RUSC2: variants seen among roughly 807,000 people sequenced by gnomAD.
The protein encoded by RUSC2 is AP-4 complex accessory subunit RUSC2.
In RUSC2, 34 loss-of-function variants were observed where a neutral mutation model predicts 122.2. The ratio of observed to expected loss-of-function variants is 0.28; its 90% CI spans 0.21 to 0.37. The LOEUF (loss-of-function observed/expected upper bound fraction) is 0.37, where lower values mean the gene tolerates loss of function less well. Among genes scored for constraint, RUSC2 ranks in the 10% least tolerant of loss-of-function variants. RUSC2 has a pLI of 1.00. For missense variants in RUSC2, 1,747 were observed against 1,952.4 expected (o/e 0.89, Z 1.98); for synonymous variants, 784 against 790.0 (o/e 0.99, Z 0.13).
At chr9:35,493,209 T>C (rs569399851) in intron 1 of RUSC2, among the ~76,000 whole-genome samples, 1 of 152,276 alleles carries the variant, frequency 6.6e-6, no homozygotes, top group African/African-American at 2.4e-5. Flanking sequence ...ATCATTTAGC[T>C]CTCACTTATA....
intron 1 of RUSC2, among the ~76,000 whole-genome samples, chr9:35,506,914 G>A (rs778950572): frequency 1.4e-4 from 22 of 152,256 alleles, no homozygotes; most frequent in African/African-American, 4.6e-4. Flanking sequence ...TTAGGGTTTC[G>A]AGACTAGCCT....
Position 35,546,983 on chromosome 9 carries a change from A to G in RUSC2, c.462A>G (p.Arg154=). The G allele has an allele frequency of 6.3e-7, 1 of 1,592,594 alleles. No homozygotes were observed. Among genetic ancestry groups the G allele is most frequent in the Non-Finnish European group, 8.6e-7 (1 of 1,167,826 alleles). ...TCCAGCTGCCACCATCTGGCCCCAG[A>G]GTGGGCAGGCCATGGGGGACAACAC... ...SSFQLPPSGP[R]VGRPWGTTRS... The change falls in exon 2 of 12, where the codon AGA becomes AGG. Residue 154 remains arginine, a synonymous_variant. Coordinates refer to ENST00000361226, the MANE Select transcript of RUSC2 (RefSeq NM_014806.5). This position sits in a 1 kb window ranked among gnomAD's most constrained non-coding sequence, Gnocchi z 4.3.
rs1821794796 is a variant in RUSC2 at position 35,547,887 on chromosome 9, G to A, written c.1366G>A (p.Glu456Lys). Residue 456 changes from glutamate to lysine, a missense_variant, in exon 2 of 12, where the codon GAG becomes AAG. Glu to Lys is a moderately conservative substitution (Grantham distance 56). Transcript: ENST00000361226. This position sits in a 1 kb window ranked among gnomAD's most constrained non-coding sequence, Gnocchi z 4.6. Reference protein sequence around the residue: ...YLFQKPEVQPEEQEAVSSSTQ... With the variant: ...YLFQKPEVQPKEQEAVSSSTQ... The stretch of plus-strand genomic sequence containing the variant: ...ATTCCAGAAGCCAGAAGTCCAGCCA[G>A]AGGAACAAGAAGCAGTGAGTTCCTC... The A allele has an allele frequency of 6.2e-7, 1 of 1,614,096 alleles. No homozygotes were observed. Among genetic ancestry groups the A allele is most frequent in the Non-Finnish European group, 8.5e-7 (1 of 1,180,062 alleles).
chr9:35,525,699 T>C (rs1036712338), intron 1 of RUSC2, among the ~76,000 whole-genome samples: 8 of 152,126 alleles, frequency 5.3e-5, no homozygotes, highest in Non-Finnish European at 7.4e-5. Flanking sequence ...CTCGGGAGGT[T>C]GAGGCAGGAG....
intron 1 of RUSC2, among the ~76,000 whole-genome samples, chr9:35,492,628 T>A (rs538817552): frequency 6.6e-6 from 1 of 152,198 alleles, no homozygotes; most frequent in South Asian, 2.1e-4. Context: ...AACAACAAAA[T>A]AACTCAGCAG....
Position 35,547,206 on chromosome 9 carries a change from T to A in RUSC2, c.685T>A (p.Trp229Arg). The A allele has an allele frequency of 6.2e-7, 1 of 1,614,168 alleles. No homozygotes were observed. Among genetic ancestry groups the A allele is most frequent in the Non-Finnish European group, 8.5e-7 (1 of 1,180,034 alleles). ...CTCTGGCTTTTCCTTTGACCAGGAA[T>A]GGAAGCTCAGTTCAGATGAATCCCC... is the stretch of plus-strand genomic sequence containing the variant. Reference protein sequence around the residue: ...DTSGFSFDQEWKLSSDESPRN... With the variant: ...DTSGFSFDQERKLSSDESPRN... The change falls in exon 2 of 12, where the codon TGG becomes AGG. Residue 229 changes from tryptophan to arginine, a missense_variant. Physicochemically the swap from Trp to Arg is moderately radical, Grantham distance 101. Coordinates refer to ENST00000361226, the MANE Select transcript of RUSC2 (RefSeq NM_014806.5). This position sits in a 1 kb window ranked among gnomAD's most constrained non-coding sequence, Gnocchi z 4.6.
At chr9:35,534,251 G>T (rs1324268102) in intron 1 of RUSC2, among the ~76,000 whole-genome samples, 3 of 152,050 alleles carry the variant, frequency 2.0e-5, no homozygotes, top group Non-Finnish European at 2.9e-5. Context: ...TTGACCATTT[G>T]TGTGTCTTCT....
In RUSC2 at chr9:35,560,388, G is replaced by A. The variant is rs1249296574; in HGVS notation, c.3748G>A (p.Val1250Met). Residue 1250 changes from valine (V) to methionine (M), a missense_variant, in exon 10 of 12, where the codon GTG becomes ATG. Coordinates refer to ENST00000361226, the MANE Select transcript of RUSC2 (RefSeq NM_014806.5). The part of the protein sequence containing the change: ...EEEEEEETEE[V>M]AEAAGGSGRA... ...AGAGGAAGAAGAGGAGACAGAAGAGGTGGCAGAGGCAGCCGGGGGCTCAGG... is the reference window on the plus strand; with the variant it reads ...AGAGGAAGAAGAGGAGACAGAAGAGATGGCAGAGGCAGCCGGGGGCTCAGG... 2.5e-6 allele frequency: 4 copies of A among 1,614,018 alleles called. No homozygotes were observed. The highest frequency in any genetic ancestry group is 3.4e-6 in the Non-Finnish European group (4 of 1,179,976).
chr9:35,553,265 A>G (rs114797666), intron 2 of RUSC2, among the ~76,000 whole-genome samples: 3,120 of 152,232 alleles, frequency 0.02, 107 homozygotes, highest in African/African-American at 0.068. Flanking sequence ...CTCAGAAGCT[A>G]GTTGGTGTAT....
chr9:35,546,688 A>C lies in RUSC2; in HGVS notation c.167A>C (p.Asp56Ala). The C allele has an allele frequency of 6.4e-7, 1 of 1,560,884 alleles. No homozygotes were observed. Reference sequence around the variant, plus strand: ...CCTGAGCTGGGCATCACCCAGCCCGATCAAGACCTAGGACAAGCTGACTCC... The same window carrying C: ...CCTGAGCTGGGCATCACCCAGCCCGCTCAAGACCTAGGACAAGCTGACTCC... ...CPPELGITQPDQDLGQADSLL... is the reference protein window; with the variant it reads ...CPPELGITQPAQDLGQADSLL... The change falls in exon 2 of 12, where the codon GAT (aspartate) becomes GCT (alanine). Residue 56 changes from aspartate to alanine, a missense_variant. Physicochemically the swap from Asp to Ala is moderately radical, Grantham distance 126. Transcript: ENST00000361226. This position sits in a 1 kb window ranked among gnomAD's most constrained non-coding sequence, Gnocchi z 4.3.
chr9:35,503,712 T>TTCCCATTAGCA (rs1554723784), intron 1 of RUSC2, among the ~76,000 whole-genome samples: 6 of 151,920 alleles, frequency 3.9e-5, no homozygotes, highest in Non-Finnish European at 5.9e-5. Flanking sequence ...CCAGTTTACA[T>TTCCCATTAGCA]TCCCAATAGC....
chr9:35,561,287 C>T lies in RUSC2; in HGVS notation c.4456C>T (p.Arg1486Cys), dbSNP rs751431040. 1.6e-5 allele frequency: 26 copies of T among 1,613,844 alleles called. No individual in the cohort carries two copies. Among genetic ancestry groups the T allele is most frequent in the East Asian group, 1.1e-4 (5 of 44,896 alleles). ...VLGRAGGDWL[R>C]CSRGPDSGLV... ...GGGGCGAGCTGGAGGAGACTGGCTG[C>T]GCTGCAGCCGTGGCCCCGACTCTGG... The change falls in exon 12 of 12, where the codon CGC (arginine) becomes TGC (cysteine). Residue 1486 changes from arginine to cysteine, a missense_variant. By Grantham distance (180) the Arg-to-Cys change is radical (BLOSUM62 -3). Transcript: ENST00000361226.
At chr9:35,507,905 A>G (rs1820946381) in intron 1 of RUSC2, 2 of 199,128 alleles carry the variant, frequency 1.0e-5, no homozygotes, top group African/African-American at 4.7e-5. Context: ...TTTGTTATGA[A>G]GACAATAAAA....
At chr9:35,501,941 A>T (rs188762440) in intron 1 of RUSC2, among the ~76,000 whole-genome samples, 1 of 152,300 alleles carries the variant, frequency 6.6e-6, no homozygotes, top group Non-Finnish European at 1.5e-5. Context: ...TGAAAACAAT[A>T]GTTGTTTTTA....
Position 35,534,452 on chromosome 9 carries a change from A to G in RUSC2, c.-92-11978A>G, listed in dbSNP as rs563509276. ...CACACACACACACACACACACACAC[A>G]CACACAATCCTTTGCTCGTTTTTAT... On this transcript the variant is annotated intron_variant, in intron 1 of 11. Coordinates refer to ENST00000361226, the MANE Select transcript of RUSC2 (RefSeq NM_014806.5). Among the ~76,000 whole-genome samples the G allele has an allele frequency of 1.6e-3, 237 of 150,788 alleles. 3 individuals carry two copies. The highest frequency in any genetic ancestry group is 5.4e-3 in the South Asian group (26 of 4,774).
chr9:35,560,978 G>A lies in RUSC2; in HGVS notation c.4230G>A (p.Leu1410=), dbSNP rs1040929586. The change falls in exon 11 of 12, where the codon CTG becomes CTA. Residue 1410 remains leucine (L), a synonymous_variant. Transcript: ENST00000361226. The part of the protein sequence containing the change: ...RPTNRLPSDW[L]SLDKSMFQLV... The stretch of plus-strand genomic sequence containing the variant: ...TCCCTAGGCTCCCCTCGGACTGGCT[G>A]AGCCTGGACAAGTCCATGTTCCAAC... 19 of 1,614,062 alleles carry A rather than the reference G, an allele frequency of 1.2e-5. No homozygotes were observed. The highest frequency in any genetic ancestry group is 1.6e-5 in the Non-Finnish European group (19 of 1,180,020).
intron 2 of RUSC2, 125 bp from the exon 3 acceptor site, chr9:35,554,935 A>G (rs1587867532): frequency 9.4e-7 from 1 of 1,065,180 alleles, no homozygotes; most frequent in Admixed American, 2.1e-5. Context: ...ACGAACTTCT[A>G]CCCCATTCAA....
intron 1 of RUSC2, among the ~76,000 whole-genome samples, chr9:35,545,223 A>G (rs1270267686): frequency 6.6e-6 from 1 of 152,224 alleles, no homozygotes. Context: ...TGTGTCAAGG[A>G]TTCAGTTAAA....
chr9:35,544,232 G>C (rs763134738), intron 1 of RUSC2, among the ~76,000 whole-genome samples: 6 of 151,224 alleles, frequency 4.0e-5, no homozygotes, highest in Non-Finnish European at 5.9e-5. Flanking sequence ...TCATGTGCTG[G>C]TTAGACACTT....
Sources: gnomAD v4.1 joint callset for allele counts (sites outside exome capture counted in the v4.1 genomes callset) on GRCh38, gnomAD v4.1.1 for gene constraint, Gnocchi (gnomAD v3.1) non-coding constraint, MANE v1.5 for transcripts, NCBI Gene and HGNC (gene_info 2026-07-23, HGNC 2026-07-21) for gene names.